DRC9: variants seen among roughly 807,000 people sequenced by gnomAD.
DRC9 encodes the protein dynein regulatory complex subunit 9.
chr3:197,933,657 A>G, the DRC9 span, among the ~76,000 whole-genome samples: 1 of 152,106 alleles, frequency 6.6e-6, no homozygotes, highest in Non-Finnish European at 1.5e-5. Context: ...TGTCAGATAT[A>G]TCTGAAGTCT....
chr3:197,896,298 G>A, the DRC9 span, among the ~76,000 whole-genome samples: 3 of 151,762 alleles, frequency 2.0e-5, no homozygotes, highest in African/African-American at 7.3e-5. Context: ...AGCCAAGATC[G>A]CACCATTGCA....
the DRC9 span, chr3:197,912,912 C>A: frequency 7.1e-3 from 4,622 of 651,690 alleles, 167 homozygotes; most frequent in African/African-American, 0.074. Context: ...ACTGCAGAGC[C>A]ACGTGGCGCG....
At chr3:197,947,333 G>T in the DRC9 span, among the ~76,000 whole-genome samples, 3 of 152,210 alleles carry the variant, frequency 2.0e-5, no homozygotes, top group Non-Finnish European at 4.4e-5. Context: ...ATCTCATCAT[G>T]TCCTTCCCTA....
the DRC9 span, among the ~76,000 whole-genome samples, chr3:197,907,696 C>G: frequency 1.3e-5 from 2 of 152,216 alleles, no homozygotes; most frequent in Non-Finnish European, 2.9e-5. Context: ...GGTGACTGTA[C>G]CAGGTCTGAA....
chr3:197,893,233 T>G, the DRC9 span, among the ~76,000 whole-genome samples: 5 of 151,796 alleles, frequency 3.3e-5, no homozygotes, highest in African/African-American at 9.7e-5. Context: ...GGCGCATACC[T>G]GTAATCCCAG....
chr3:197,938,488 C>T, the DRC9 span: 16 of 1,263,362 alleles, frequency 1.3e-5, no homozygotes, highest in Non-Finnish European at 1.9e-5. Context: ...CACCTGGGCG[C>T]CCCTTCGCTC....
chr3:197,908,938 CAA>C, the DRC9 span, among the ~76,000 whole-genome samples: 5 of 151,952 alleles, frequency 3.3e-5, no homozygotes, highest in Admixed American at 2.6e-4. Flanking sequence ...GAAGAGCGAG[CAA>C]CCCTTTCCAA....
At chr3:197,902,294 C>T in the DRC9 span, among the ~76,000 whole-genome samples, 8 of 152,096 alleles carry the variant, frequency 5.3e-5, no homozygotes, top group African/African-American at 1.7e-4. Context: ...ATACGTAATT[C>T]GTCAATGCCC....
chr3:197,897,787 T>C, the DRC9 span, among the ~76,000 whole-genome samples: 1 of 151,126 alleles, frequency 6.6e-6, no homozygotes, highest in South Asian at 2.1e-4. Context: ...TTTTTTTTTT[T>C]TTGAGACAGA....
the DRC9 span, among the ~76,000 whole-genome samples, chr3:197,898,301 A>G: frequency 6.6e-6 from 1 of 152,248 alleles, no homozygotes; most frequent in East Asian, 1.9e-4. Context: ...ATGACAATGT[A>G]AGCATTATAT....
chr3:197,909,179 G>A, the DRC9 span, among the ~76,000 whole-genome samples: 1 of 152,180 alleles, frequency 6.6e-6, no homozygotes, highest in African/African-American at 2.4e-5. Context: ...ACAAACTCAT[G>A]TGTAATCCTG....
At chr3:197,891,468 A>G in the DRC9 span, 1 of 1,596,592 alleles carries the variant, frequency 6.3e-7, no homozygotes, top group Non-Finnish European at 8.6e-7. Flanking sequence ...CTTTAATTCC[A>G]AGAGATCCTG....
At chr3:197,938,471 A>T in the DRC9 span, 1 of 982,056 alleles carries the variant, frequency 1.0e-6, no homozygotes, top group Non-Finnish European at 1.6e-6. Context: ...AGACGATAGC[A>T]GTCAGCCACC....
At chr3:197,950,743 A>G in the DRC9 span, 1 of 605,434 alleles carries the variant, frequency 1.7e-6, no homozygotes, top group Non-Finnish European at 2.9e-6. Context: ...TTGCTTAGAT[A>G]CCAGCTGTTC....
the DRC9 span, chr3:197,955,631 T>C: frequency 7.0e-5 from 64 of 918,824 alleles, no homozygotes; most frequent in Middle Eastern, 1.7e-3. Flanking sequence ...ATAAAAACTT[T>C]CCTTACCACT....
At chr3:197,901,134 T>C in the DRC9 span, among the ~76,000 whole-genome samples, 1 of 152,264 alleles carries the variant, frequency 6.6e-6, no homozygotes, top group East Asian at 1.9e-4. This position sits in a 1 kb window ranked among gnomAD's most constrained non-coding sequence, Gnocchi z 4.4. Flanking sequence ...GAGTCCCCAG[T>C]TCAGGCCTTG....
the DRC9 span, among the ~76,000 whole-genome samples, chr3:197,936,498 G>T: frequency 1.3e-5 from 2 of 151,998 alleles, no homozygotes; most frequent in African/African-American, 4.8e-5. Context: ...CAGAGTAGCT[G>T]GGACCACAGG....
chr3:197,899,532 G>T, the DRC9 span, among the ~76,000 whole-genome samples: 5 of 152,024 alleles, frequency 3.3e-5, no homozygotes, highest in African/African-American at 1.2e-4. Flanking sequence ...GACCAGCCTG[G>T]GCAACACAGT....
the DRC9 span, among the ~76,000 whole-genome samples, chr3:197,936,353 T>C: frequency 6.6e-6 from 1 of 152,182 alleles, no homozygotes; most frequent in Admixed American, 6.5e-5. Context: ...AGTTTTTTTG[T>C]TGTTGCTGTT....
Sources: allele counts gnomAD v4.1 joint callset (sites outside exome capture counted in the v4.1 genomes callset), GRCh38; gene constraint gnomAD v4.1.1; non-coding constraint Gnocchi (gnomAD v3.1); transcripts MANE v1.5; gene names NCBI Gene and HGNC (gene_info 2026-07-23, HGNC 2026-07-21).